GRSF1: variants seen among roughly 807,000 people sequenced by gnomAD.
GRSF1 encodes the protein G-rich sequence factor 1.
In GRSF1, 50 loss-of-function variants were observed where a neutral mutation model predicts 51.1. That is an observed-to-expected ratio of 0.98 (90% confidence interval 0.78 to 1.24). The LOEUF (loss-of-function observed/expected upper bound fraction) is 1.24, where lower values mean the gene tolerates loss of function less well. Among genes scored for constraint, GRSF1 ranks in the 50% most tolerant of loss-of-function variants. The pLI is 0.00. For synonymous variants in GRSF1, 293 were observed against 253.3 expected (o/e 1.16, Z -1.49); for missense variants, 700 against 639.7 (o/e 1.09, Z -1.02).
At chr4:70,826,789 A>G (rs1733754100) in intron 6 of GRSF1, among the ~76,000 whole-genome samples, 1 of 152,208 alleles carries the variant, frequency 6.6e-6, no homozygotes, top group African/African-American at 2.4e-5. Context: ...TCAAGGTTGC[A>G]GTGAGCCATG....
At chr4:70,822,583 C>CAAAAAA (rs749025985) in intron 9 of GRSF1, among the ~76,000 whole-genome samples, 1 of 20,516 alleles carries the variant, frequency 4.9e-5, no homozygotes, top group African/African-American at 1.1e-4. Flanking sequence ...GATTTCATAT[C>CAAAAAA]AAAAAAAAAA....
intron 2 of GRSF1, among the ~76,000 whole-genome samples, chr4:70,833,969 T>C (rs977554796): frequency 1.2e-4 from 18 of 152,126 alleles, no homozygotes; most frequent in African/African-American, 3.9e-4. Flanking sequence ...CTAAAAAAAT[T>C]AATGAAATAG....
chr4:70,831,651 A>G lies in GRSF1; in HGVS notation c.838T>C (p.Phe280Leu), dbSNP rs1733971135. Residue 280 changes from phenylalanine to leucine, a missense_variant, in exon 5 of 10, where the codon TTT becomes CTT. Coordinates refer to ENST00000254799, the MANE Select transcript of GRSF1 (RefSeq NM_002092.4). ...CGCCTCCCTCTATAGTCCATCACAAAAGTAATGTCAACTATATTCAGTCCT... is the reference window on the plus strand; with the variant it reads ...CGCCTCCCTCTATAGTCCATCACAAGAGTAATGTCAACTATATTCAGTCCT... The part of the protein sequence containing the change: ...FAGLNIVDIT[F>L]VMDYRGRRKT... 6.2e-7 allele frequency: 1 copy of G among 1,613,378 alleles called. No individual in the cohort carries two copies. The highest frequency in any genetic ancestry group is 8.5e-7 in the Non-Finnish European group (1 of 1,179,582).
chr4:70,833,636 C>T (rs1257569268), intron 2 of GRSF1, among the ~76,000 whole-genome samples: 1 of 152,152 alleles, frequency 6.6e-6, no homozygotes, highest in Non-Finnish European at 1.5e-5. Context: ...AAATCATCTC[C>T]ATAGGTCTCT....
In GRSF1 at chr4:70,836,153, T is replaced by C. The variant is rs1354959148; in HGVS notation, c.514+5A>G. On this transcript the variant is annotated splice_donor_5th_base_variant and intron_variant, in intron 2 of 9. Coordinates refer to ENST00000254799, the MANE Select transcript of GRSF1 (RefSeq NM_002092.4). Reference sequence around the variant, plus strand: ...ATAAATAAATAAAACATACATAAAATATACCTGAAAAAAAGTTAAGCACAT... The same window carrying C: ...ATAAATAAATAAAACATACATAAAACATACCTGAAAAAAAGTTAAGCACAT... 1 of 1,479,360 alleles carries C rather than the reference T, an allele frequency of 6.8e-7. No homozygotes were observed. 91.6% of individuals were successfully genotyped at this position (1,479,360 alleles called of 1,614,324 possible). A position where few individuals can be genotyped will look rare whatever the true frequency, so the allele number is the denominator to read the frequency against.
At chr4:70,822,505 C>T (rs1733558040) in intron 9 of GRSF1, among the ~76,000 whole-genome samples, 3 of 150,568 alleles carry the variant, frequency 2.0e-5, no homozygotes, top group East Asian at 1.9e-4. Flanking sequence ...ATCACTTGAA[C>T]CCGGGAGGCA....
Position 70,826,457 on chromosome 4 carries a change from G to T in GRSF1, c.1136-212C>A, listed in dbSNP as rs6849893. 6.8e-3 allele frequency among the ~76,000 whole-genome samples: 1,039 copies of T among 151,984 alleles called. 10 individuals are homozygous for T. Among genetic ancestry groups the T allele is most frequent in the Non-Finnish European group, 0.011 (755 of 68,000 alleles). Reference sequence around the variant, plus strand: ...AGACCATTACCAGTTTAAGAACTTAGCCCTTTTTGTAACATCAGAGAGCAG... The same window carrying T: ...AGACCATTACCAGTTTAAGAACTTATCCCTTTTTGTAACATCAGAGAGCAG... On this transcript the variant is annotated intron_variant, in intron 6 of 9. Coordinates refer to ENST00000254799, the MANE Select transcript of GRSF1 (RefSeq NM_002092.4).
upstream of GRSF1, among the ~76,000 whole-genome samples, chr4:70,841,161 C>T (rs913701925): frequency 3.3e-5 from 5 of 152,022 alleles, no homozygotes; most frequent in Admixed American, 3.3e-4. Flanking sequence ...GGTGTGATGG[C>T]GTGGGCCTGT....
rs1733731712 is a variant in GRSF1, at chr4:70,826,244, T to C, written c.1137A>G (p.Glu379=). The part of the protein sequence containing the change: ...MTAFESEKEI[E]LPKEVPEKLP... ...GCTTTTCTGGCACCTCCTTAGGCAATTCTGAGAGGTGGAACAGAAAGCACT... is the reference window on the plus strand; with the variant it reads ...GCTTTTCTGGCACCTCCTTAGGCAACTCTGAGAGGTGGAACAGAAAGCACT... Residue 379 remains glutamate (E), a splice_region_variant and synonymous_variant, in exon 7 of 10, where the codon GAA becomes GAG. Coordinates refer to ENST00000254799, the MANE Select transcript of GRSF1 (RefSeq NM_002092.4). 1 of 1,599,934 alleles carries C rather than the reference T, an allele frequency of 6.3e-7. No individual in the cohort carries two copies. The highest frequency in any genetic ancestry group is 2.2e-5 in the East Asian group (1 of 44,710).
intron 5 of GRSF1, among the ~76,000 whole-genome samples, chr4:70,831,309 C>T (rs528070965): frequency 1.5e-4 from 22 of 151,124 alleles, no homozygotes; most frequent in African/African-American, 7.3e-5. Context: ...GAGCCAAGAT[C>T]GTGCCATTGC....
intron 6 of GRSF1, among the ~76,000 whole-genome samples, chr4:70,827,145 G>T (rs936256741): frequency 4.9e-4 from 75 of 152,058 alleles, no homozygotes; most frequent in Middle Eastern, 3.4e-3. Flanking sequence ...AAAATTAGCC[G>T]GGCACGGTGG....
chr4:70,831,917 T>C (rs1733990595), intron 4 of GRSF1, among the ~76,000 whole-genome samples: 2 of 151,804 alleles, frequency 1.3e-5, no homozygotes, highest in South Asian at 4.1e-4. Flanking sequence ...CCAGTTTTTT[T>C]TTTTTTTTTT....
chr4:70,828,701 T>C (rs1451483487), intron 5 of GRSF1, among the ~76,000 whole-genome samples: 2 of 151,240 alleles, frequency 1.3e-5, no homozygotes, highest in Non-Finnish European at 2.9e-5. Flanking sequence ...CCTGAGTAGC[T>C]GGGGACTACT....
At chr4:70,823,327 G>A (rs1733597922) in intron 9 of GRSF1, among the ~76,000 whole-genome samples, 2 of 152,076 alleles carry the variant, frequency 1.3e-5, no homozygotes, top group Admixed American at 1.3e-4. Context: ...AACCCGGGAG[G>A]TGGAAGTTGC....
At chr4:70,833,327 A>C in intron 2 of GRSF1, 54 bp from the exon 3 acceptor site, 1 of 1,485,054 alleles carries the variant, frequency 6.7e-7, no homozygotes, top group Non-Finnish European at 9.3e-7. Context: ...TTTTAGCTCA[A>C]TTATGTAAGT....
chr4:70,839,174 T>C lies in GRSF1; in HGVS notation c.357+297A>G, dbSNP rs557955409. ...GGGGCGTCAGCAGCCTCACGAAACC[T>C]ACCATGGGCCAGGCGGGGAACAAGG... On this transcript the variant is annotated intron_variant, in intron 1 of 9. Coordinates refer to ENST00000254799, the MANE Select transcript of GRSF1 (RefSeq NM_002092.4). The C allele has an allele frequency of 4.7e-5, 64 of 1,364,830 alleles. 1 individual carries two copies. The East Asian group carries it at 2.1e-3, about 44-fold the overall frequency. 84.5% of individuals were successfully genotyped at this position (1,364,830 alleles called of 1,614,324 possible).
intron 9 of GRSF1, among the ~76,000 whole-genome samples, chr4:70,823,955 T>C (rs975506479): frequency 6.8e-6 from 1 of 146,954 alleles, no homozygotes; most frequent in Admixed American, 6.9e-5. Context: ...TAGCAAATAA[T>C]TTCCACAGTT....
rs1231499697 is a variant in GRSF1, at chr4:70,817,840, ACAAACTT to A, written c.*3040_*3046del. 1 of 152,180 alleles carries A rather than the reference ACAAACTT, an allele frequency of 6.6e-6. No individual in the cohort carries two copies. Among genetic ancestry groups the A allele is most frequent in the Non-Finnish European group, 1.5e-5 (1 of 68,018 alleles). 9.4% of individuals were successfully genotyped at this position (152,180 alleles called of 1,614,324 possible). On this transcript the variant is annotated 3_prime_UTR_variant, in exon 10 of 10. Transcript: ENST00000254799. ...TTTATAGCAGCTTTATTCCCTTCCT[ACAAACTT>A]CAGATTCTCTTCTAATTTGCTGAAC...
chr4:70,838,289 G>A (rs58626942), intron 1 of GRSF1, among the ~76,000 whole-genome samples: 3,421 of 148,334 alleles, frequency 0.023, 115 homozygotes, highest in East Asian at 0.15. Context: ...CTAACACATA[G>A]TAGATGCTCT....
Sources: gnomAD v4.1 joint callset for allele counts (sites outside exome capture counted in the v4.1 genomes callset) on GRCh38, gnomAD v4.1.1 for gene constraint, MANE v1.5 for transcripts, NCBI Gene and HGNC (gene_info 2026-07-23, HGNC 2026-07-21) for gene names.